Variants in WDFY2 observed in about 807,000 individuals in gnomAD.
WDFY2 encodes WD repeat and FYVE domain-containing protein 2.
In WDFY2, 36 loss-of-function variants were observed where a neutral mutation model predicts 56.4. The ratio of observed to expected loss-of-function variants is 0.64; its 90% confidence interval spans 0.49 to 0.84. The LOEUF is 0.84. Among genes scored for constraint, WDFY2 ranks in the 40% least tolerant of loss-of-function variants. WDFY2 has a pLI of 0.00. For missense variants in WDFY2, 444 were observed against 512.2 expected (o/e 0.87, Z 1.29); for synonymous variants, 176 against 183.7 (o/e 0.96, Z 0.34).
chr13:51,596,080 A>G (rs1346926304), intron 1 of WDFY2, among the ~76,000 whole-genome samples: 1 of 152,240 alleles, frequency 6.6e-6, no homozygotes, highest in Non-Finnish European at 1.5e-5. Context: ...TTAGAATCTC[A>G]GTAACCTGTT....
At chr13:51,648,184 G>A (rs1039770017) in intron 1 of WDFY2, among the ~76,000 whole-genome samples, 3 of 152,136 alleles carry the variant, frequency 2.0e-5, no homozygotes, top group African/African-American at 2.4e-5. Flanking sequence ...TTCCCTGCCC[G>A]TCAGTATTTC....
At chr13:51,684,059 G>T (rs1389545601) in intron 3 of WDFY2, among the ~76,000 whole-genome samples, 1 of 152,172 alleles carries the variant, frequency 6.6e-6, no homozygotes, top group African/African-American at 2.4e-5. Flanking sequence ...TCAGTTACCA[G>T]TGAATGTTTT....
chr13:51,687,887 G>T (rs1404926493), intron 3 of WDFY2, among the ~76,000 whole-genome samples: 1 of 152,142 alleles, frequency 6.6e-6, no homozygotes, highest in Admixed American at 6.6e-5. Context: ...TATGAAAGGA[G>T]ACCATTCAGA....
At chr13:51,591,556 C>G (rs1954043945) in intron 1 of WDFY2, 1 of 152,208 alleles carries the variant, frequency 6.6e-6, no homozygotes, top group African/African-American at 2.4e-5. Context: ...GACATACTCT[C>G]TCACACATAG....
At chr13:51,586,278 T>C in intron 1 of WDFY2, 1 of 383,438 alleles carries the variant, frequency 2.6e-6, no homozygotes, top group Non-Finnish European at 4.6e-6. Context: ...AATATATTGG[T>C]AGATGTCACT....
intron 4 of WDFY2, among the ~76,000 whole-genome samples, chr13:51,707,706 G>A (rs775512641): frequency 6.6e-6 from 1 of 151,890 alleles, no homozygotes; most frequent in Non-Finnish European, 1.5e-5. Flanking sequence ...GAACTGAAAG[G>A]TTTTTTTCAT....
At chr13:51,759,011 G>A (rs1011306584) in intron 11 of WDFY2, among the ~76,000 whole-genome samples, 2 of 152,090 alleles carry the variant, frequency 1.3e-5, no homozygotes, top group African/African-American at 4.8e-5. Context: ...GTGTGACCCT[G>A]TCTTAACAAA....
intron 6 of WDFY2, among the ~76,000 whole-genome samples, chr13:51,734,375 T>G (rs1450141412): frequency 6.6e-6 from 1 of 152,222 alleles, no homozygotes; most frequent in Admixed American, 6.5e-5. Flanking sequence ...AATATTCATC[T>G]TAGAAAAATT....
rs1221404866 is a variant in WDFY2 at position 51,610,256 on chromosome 13, G to GTTTT, written c.137+25432_137+25433insTTTT. Reference sequence around the variant, plus strand: ...TATTTGACTGTTTTTTTTTTTTTTGGGGGGCTAAAAGCCCACCATCTATCC... The same window carrying GTTTT: ...TATTTGACTGTTTTTTTTTTTTTTGGTTTTGGGGCTAAAAGCCCACCATCTATCC... On this transcript the variant is annotated intron_variant, in intron 1 of 11. Transcript: ENST00000298125. 2.4e-3 allele frequency among the ~76,000 whole-genome samples: 313 copies of GTTTT among 128,102 alleles called. 4 individuals carry two copies. Among genetic ancestry groups the GTTTT allele is most frequent in the African/African-American group, 5.8e-3 (206 of 35,400 alleles). 84.0% of individuals were successfully genotyped at this position (128,102 alleles called of 152,430 possible).
chr13:51,672,970 C>T (rs1955830292), intron 2 of WDFY2, among the ~76,000 whole-genome samples: 1 of 152,144 alleles, frequency 6.6e-6, no homozygotes, highest in Admixed American at 6.5e-5. Context: ...GTGTTTCTTA[C>T]TATGCATAAA....
chr13:51,607,620 C>T (rs2138326690), intron 1 of WDFY2, among the ~76,000 whole-genome samples: 1 of 151,830 alleles, frequency 6.6e-6, no homozygotes, highest in African/African-American at 2.4e-5. Flanking sequence ...AAAATATAGT[C>T]TGTTGGGTTT....
intron 5 of WDFY2, 127 bp downstream of exon 5, chr13:51,719,475 G>A: frequency 2.7e-6 from 3 of 1,104,508 alleles, no homozygotes; most frequent in Non-Finnish European, 3.8e-6. Flanking sequence ...GGATTACAAT[G>A]CTCATAGAAT....
intron 1 of WDFY2, among the ~76,000 whole-genome samples, chr13:51,657,857 C>A (rs1302089476): frequency 6.6e-6 from 1 of 152,140 alleles, no homozygotes; most frequent in Non-Finnish European, 1.5e-5. Context: ...ACAACCTTGT[C>A]CTGATTTCCT....
chr13:51,591,518 A>T (rs953964122), intron 1 of WDFY2: 1 of 152,218 alleles, frequency 6.6e-6, no homozygotes, highest in African/African-American at 2.4e-5. Flanking sequence ...CATAGTAAAA[A>T]ATATAGTTAG....
intron 1 of WDFY2, among the ~76,000 whole-genome samples, chr13:51,614,410 C>G (rs970439464): frequency 6.6e-6 from 1 of 152,130 alleles, no homozygotes; most frequent in East Asian, 1.9e-4. Context: ...AACAAGTAAA[C>G]GGTTATTTTC....
At chr13:51,681,537 A>G (rs1004131428) in intron 3 of WDFY2, among the ~76,000 whole-genome samples, 3 of 152,196 alleles carry the variant, frequency 2.0e-5, no homozygotes, top group South Asian at 2.1e-4. Flanking sequence ...GGTTTCTACC[A>G]TAGAAGACCA....
intron 2 of WDFY2, among the ~76,000 whole-genome samples, chr13:51,667,097 C>A (rs1245355390): frequency 6.6e-6 from 1 of 152,108 alleles, no homozygotes; most frequent in Non-Finnish European, 1.5e-5. Context: ...CTCAAATTTG[C>A]AAAGATATTT....
At chr13:51,696,265 G>A (rs1196797727) in intron 3 of WDFY2, among the ~76,000 whole-genome samples, 1 of 152,196 alleles carries the variant, frequency 6.6e-6, no homozygotes, top group Non-Finnish European at 1.5e-5. Context: ...CCCATCTTCT[G>A]CATCGCTGAC....
intron 1 of WDFY2, chr13:51,598,784 T>C (rs1954207652): frequency 6.6e-6 from 1 of 152,054 alleles, no homozygotes; most frequent in East Asian, 1.9e-4. Context: ...AATTTGCTGA[T>C]GAACTCAATG....
Sources: allele counts gnomAD v4.1 joint callset (sites outside exome capture counted in the v4.1 genomes callset), GRCh38; gene constraint gnomAD v4.1.1; transcripts MANE v1.5; gene names NCBI Gene and HGNC (gene_info 2026-07-23, HGNC 2026-07-21).